GOLGA8H: variants seen among roughly 807,000 people sequenced by gnomAD.
The protein encoded by GOLGA8H is golgin subfamily A member 8H.
GOLGA8H carries 47 observed loss-of-function variants against 82.7 expected under a neutral mutation model. The observed-to-expected ratio is 0.57, with a 90% CI of 0.45 to 0.73. The LOEUF (loss-of-function observed/expected upper bound fraction) is 0.73. Among genes scored for constraint, GOLGA8H ranks in the 30% least tolerant of loss-of-function variants. GOLGA8H has a pLI of 0.00. For synonymous variants in GOLGA8H, 108 were observed against 241.6 expected (o/e 0.45, Z 5.13); for missense variants, 372 against 661.0 (o/e 0.56, Z 4.79).
In GOLGA8H at chr15:30,608,675, G is replaced by A. The variant is rs934038585; in HGVS notation, c.510G>A (p.Leu170=). 6 of 1,512,764 alleles carry A rather than the reference G, an allele frequency of 4.0e-6. No individual in the cohort carries two copies. In the African/African-American group the frequency reaches 4.3e-5, roughly 11 times the overall value. 93.7% of individuals were successfully genotyped at this position (1,512,764 alleles called of 1,614,324 possible). A position where few individuals can be genotyped will look rare whatever the true frequency, so the allele number is the denominator to read the frequency against. ...EEKSKDLAVC[L]QHSLQRKGEL... is the part of the protein sequence containing the mutation. ...AGTCCAAGGATCTGGCTGTCTGCCTGCAACATTCATTGCAGCGTAAAGGAG... is the reference window on the plus strand; with the variant it reads ...AGTCCAAGGATCTGGCTGTCTGCCTACAACATTCATTGCAGCGTAAAGGAG... Residue 170 remains leucine (L), a synonymous_variant, in exon 8 of 19, where the codon CTG becomes CTA. Transcript: ENST00000566740.
Position 30,604,236 on chromosome 15 carries a change from C to T in GOLGA8H, c.48+63C>T, listed in dbSNP as rs1191642277. 5 of 1,272,796 alleles carry T rather than the reference C, an allele frequency of 3.9e-6. 1 individual carries two copies. Among genetic ancestry groups the T allele is most frequent in the African/African-American group, 1.9e-5 (1 of 52,246 alleles). The allele number at this position is 1,272,796 out of a possible 1,614,324, so 78.8% of individuals were successfully genotyped here. On this transcript the variant is annotated intron_variant, in intron 1 of 18. Transcript: ENST00000566740. ...ACAGATCCCCTCTGATGACAAGACC[C>T]CTGCCAGAGTCTATACGACTCCTGA...
At position 30,604,282 on chromosome 15, in the gene GOLGA8H, C is replaced by G. The variant is rs1211210569; in HGVS notation, c.48+109C>G. On this transcript the variant is annotated intron_variant, in intron 1 of 18. Coordinates refer to ENST00000566740, the MANE Select transcript of GOLGA8H (RefSeq NM_001282490.2). The stretch of plus-strand genomic sequence containing the variant: ...CCTGAGGCACACTGGACTGGTCCCC[C>G]CTACCCCGGTGCCTCTGGGCTACCC... 8.6e-6 allele frequency: 13 copies of G among 1,504,622 alleles called. No homozygotes were observed. In the East Asian group the frequency reaches 1.7e-4, roughly 20 times the overall value. 93.2% of individuals were successfully genotyped at this position (1,504,622 alleles called of 1,614,324 possible). A position where few individuals can be genotyped will look rare whatever the true frequency, so the allele number is the denominator to read the frequency against.
chr15:30,606,491 C>T (rs1283472931), intron 2 of GOLGA8H, among the ~76,000 whole-genome samples: 5 of 151,510 alleles, frequency 3.3e-5, no homozygotes, highest in Non-Finnish European at 5.9e-5. Flanking sequence ...TATTGTTTCA[C>T]TTCCATTTGT....
In GOLGA8H at chr15:30,616,338, ACTT is replaced by A. The variant is rs1242968459; in HGVS notation, c.*1780_*1782del. Among the ~76,000 whole-genome samples, 108 of 147,158 alleles carry A rather than the reference ACTT, an allele frequency of 7.3e-4. 1 individual carries two copies. Among genetic ancestry groups the A allele is most frequent in the South Asian group, 4.2e-3 (19 of 4,534 alleles). On this transcript the variant is annotated 3_prime_UTR_variant, in exon 19 of 19. Coordinates refer to ENST00000566740, the MANE Select transcript of GOLGA8H (RefSeq NM_001282490.2). ...TTTTAGCATTTGGCATCCTCATGAT[ACTT>A]CTATAAATATGACATTAACAGGAGA...
rs148887577 is a variant in GOLGA8H, at chr15:30,616,837, A to G, written c.*2276A>G. 1.3e-5 allele frequency: 2 copies of G among 151,196 alleles called. No homozygotes were observed. The highest frequency in any genetic ancestry group is 4.0e-4 in the East Asian group (2 of 5,044). The allele number at this position is 151,196 out of a possible 1,614,324, so 9.4% of individuals were successfully genotyped here. On this transcript the variant is annotated 3_prime_UTR_variant, in exon 19 of 19. Transcript: ENST00000566740. ...AATCACTTCACTTTTACCCTGATAA[A>G]TATCAGTGACTAGAATGACCTTCGG... is the stretch of plus-strand genomic sequence containing the variant.
rs1186564560 is a variant in GOLGA8H, at chr15:30,615,314, T to C, written c.*753T>C. Among the ~76,000 whole-genome samples, 1 of 151,862 alleles carries C rather than the reference T, an allele frequency of 6.6e-6. No homozygotes were observed. Among genetic ancestry groups the C allele is most frequent in the East Asian group, 1.9e-4 (1 of 5,140 alleles). On this transcript the variant is annotated 3_prime_UTR_variant, in exon 19 of 19. Coordinates refer to ENST00000566740, the MANE Select transcript of GOLGA8H (RefSeq NM_001282490.2). ...GTTCCCTTAGGATTTGTATGTGCTCTGGGCTCATGAAGATACTGCATCATG... is the reference window on the plus strand; with the variant it reads ...GTTCCCTTAGGATTTGTATGTGCTCCGGGCTCATGAAGATACTGCATCATG...
intron 13 of GOLGA8H, 151 bp downstream of exon 13, chr15:30,611,497 G>C: frequency 1.0e-6 from 1 of 960,692 alleles, no homozygotes; most frequent in Non-Finnish European, 1.2e-6. Flanking sequence ...ACTGTTTCTT[G>C]CTTCCTGCCT....
rs1272667065 is a variant in GOLGA8H at position 30,605,864 on chromosome 15, A to C, written c.70A>C (p.Asn24His). The change falls in exon 2 of 19, where the codon AAC becomes CAC. Residue 24 changes from asparagine (N) to histidine (H), a missense_variant. Physicochemically the swap from Asn to His is moderately conservative, Grantham distance 68. Coordinates refer to ENST00000566740, the MANE Select transcript of GOLGA8H (RefSeq NM_001282490.2). ...KKKLKEYWQK[N>H]SPRVPAGANR... ...ACAGTTAAAAGAATATTGGCAGAAA[A>C]ACAGCCCTAGAGTTCCAGCAGGAGC... The C allele has an allele frequency of 6.3e-7, 1 of 1,582,622 alleles. No homozygotes were observed. Among genetic ancestry groups the C allele is most frequent in the African/African-American group, 1.3e-5 (1 of 74,182 alleles).
rs549402951 is a variant in GOLGA8H at position 30,611,460 on chromosome 15, C to G, written c.1200+114C>G. On this transcript the variant is annotated intron_variant, in intron 13 of 18. Transcript: ENST00000566740. ...AGCTTCCAGCCTGGGGGCTGGTGAC[C>G]ACAGCACCCCGCAGGGCAGTCCTGT... The G allele has an allele frequency of 4.2e-5, 65 of 1,535,102 alleles. 2 individuals carry two copies. The African/African-American group carries it at 8.5e-4, about 20-fold the overall frequency.
chr15:30,605,787 A>T (rs993538767), intron 1 of GOLGA8H, 56 bp from the exon 2 acceptor site: 212 of 1,586,200 alleles, frequency 1.3e-4, no homozygotes, highest in Middle Eastern at 4.5e-4. Context: ...GTAAAGGAGG[A>T]TGTGGCTGCA....
At chr15:30,605,740 T>C in intron 1 of GOLGA8H, 103 bp from the exon 2 acceptor site, 2 of 1,538,522 alleles carry the variant, frequency 1.3e-6, no homozygotes, top group Non-Finnish European at 8.7e-7. Context: ...TTGGTGTCAT[T>C]AAATCAGATG....
intron 1 of GOLGA8H, 67 bp downstream of exon 1, chr15:30,604,240 C>A: frequency 3.1e-6 from 4 of 1,284,078 alleles, no homozygotes; most frequent in South Asian, 1.3e-5. Flanking sequence ...AAGACCCCTG[C>A]CAGAGTCTAT....
chr15:30,609,708 T>G (rs2936452), intron 8 of GOLGA8H, 98 bp from the exon 9 acceptor site: 14 of 1,511,354 alleles, frequency 9.3e-6, no homozygotes, highest in African/African-American at 5.6e-5. Flanking sequence ...CTTTACTGAC[T>G]GAGTTGTATA....
At chr15:30,605,786 G>A (rs897824441) in intron 1 of GOLGA8H, 57 bp from the exon 2 acceptor site, 3 of 1,585,950 alleles carry the variant, frequency 1.9e-6, no homozygotes, top group East Asian at 4.5e-5. Context: ...TGTAAAGGAG[G>A]ATGTGGCTGC....
chr15:30,610,262 C>T (rs1052931210), intron 10 of GOLGA8H, 40 bp from the exon 11 acceptor site: 2 of 878,188 alleles, frequency 2.3e-6, no homozygotes, highest in Admixed American at 2.0e-5. Flanking sequence ...CAGCCTCCAG[C>T]CCCTCTCTCC....
At position 30,608,706 on chromosome 15, in the gene GOLGA8H, G is replaced by C; in HGVS notation, c.541G>C (p.Glu181Gln). The C allele has an allele frequency of 1.3e-6, 2 of 1,540,564 alleles. No individual in the cohort carries two copies. The highest frequency in any genetic ancestry group is 1.8e-6 in the Non-Finnish European group (2 of 1,135,384). Residue 181 changes from glutamate to glutamine, a missense_variant, in exon 8 of 19, where the codon GAG (glutamate) becomes CAG (glutamine). Transcript: ENST00000566740. Reference sequence around the variant, plus strand: ...TTCATTGCAGCGTAAAGGAGAGTTAGAGAGTGTTCTCTCTAATGTCATGGC... The same window carrying C: ...TTCATTGCAGCGTAAAGGAGAGTTACAGAGTGTTCTCTCTAATGTCATGGC... The part of the protein sequence containing the change: ...QHSLQRKGEL[E>Q]SVLSNVMATQ...
chr15:30,605,697 A>G, intron 1 of GOLGA8H, 146 bp from the exon 2 acceptor site: 1 of 1,388,776 alleles, frequency 7.2e-7, no homozygotes, highest in Non-Finnish European at 9.6e-7. Flanking sequence ...CTTCTCAGTC[A>G]CTAAATGAGT....
Position 30,605,834 on chromosome 15 carries a change from T to C in GOLGA8H, c.49-9T>C. On this transcript the variant is annotated splice_polypyrimidine_tract_variant and intron_variant, in intron 1 of 18. Transcript: ENST00000566740. ...TTCTCATGAGTATTACTGCTCTTCT[T>C]TCCAACAGTTAAAAGAATATTGGCA... 6.3e-7 allele frequency: 1 copy of C among 1,590,390 alleles called. No homozygotes were observed. The highest frequency in any genetic ancestry group is 8.5e-7 in the Non-Finnish European group (1 of 1,174,312).
At chr15:30,606,238 C>T (rs527682855) in intron 2 of GOLGA8H, among the ~76,000 whole-genome samples, 27 of 151,436 alleles carry the variant, frequency 1.8e-4, no homozygotes, top group African/African-American at 5.9e-4. Flanking sequence ...GCCTGTAGTC[C>T]CAGCTACTCA....
Sources: allele counts gnomAD v4.1 joint callset (sites outside exome capture counted in the v4.1 genomes callset), GRCh38; gene constraint gnomAD v4.1.1; transcripts MANE v1.5; gene names NCBI Gene and HGNC (gene_info 2026-07-23, HGNC 2026-07-21).